CADPS: variants seen among roughly 807,000 people sequenced by gnomAD.
The protein encoded by CADPS is calcium-dependent secretion activator 1.
CADPS carries 57 observed loss-of-function variants against 167.3 expected under a neutral mutation model. The ratio of observed to expected loss-of-function variants is 0.34; its 90% CI spans 0.28 to 0.42. CADPS has a LOEUF of 0.42. Ranked by LOEUF, CADPS falls within the 20% of genes least tolerant of loss-of-function variation. The pLI is 1.00. For missense variants in CADPS, 1,414 were observed against 1,738.1 expected (o/e 0.81, Z 3.32); for synonymous variants, 676 against 635.3 (o/e 1.06, Z -0.96).
intron 1 of CADPS, among the ~76,000 whole-genome samples, chr3:62,863,643 G>A (rs1383820300): frequency 6.6e-6 from 1 of 152,130 alleles, no homozygotes; most frequent in East Asian, 1.9e-4. Flanking sequence ...AGCATGGATG[G>A]GGAGCAAAGA....
intron 1 of CADPS, among the ~76,000 whole-genome samples, chr3:62,828,438 T>C (rs1445432591): frequency 6.6e-6 from 1 of 152,138 alleles, no homozygotes; most frequent in Non-Finnish European, 1.5e-5. Flanking sequence ...GACAAGGAAC[T>C]GGGCAAATGG....
intron 1 of CADPS, among the ~76,000 whole-genome samples, chr3:62,815,838 T>TC (rs1263889700): frequency 2.6e-5 from 4 of 152,144 alleles, no homozygotes; most frequent in Non-Finnish European, 5.9e-5. Flanking sequence ...GTCTTTCTCT[T>TC]CTTCAAGCAA....
chr3:62,785,395 T>C, intron 1 of CADPS, among the ~76,000 whole-genome samples: 1 of 152,198 alleles, frequency 6.6e-6, no homozygotes, highest in Non-Finnish European at 1.5e-5. Context: ...ACTGCAAACA[T>C]TTTGAAAAGC....
At chr3:62,779,334 T>G (rs1284911537) in intron 1 of CADPS, 1 of 405,970 alleles carries the variant, frequency 2.5e-6, no homozygotes, top group African/African-American at 2.1e-5. Context: ...TCTTTTTTTC[T>G]GGAACTTTAG....
At chr3:62,459,446 T>A (rs1157427885) in intron 26 of CADPS, among the ~76,000 whole-genome samples, 1 of 152,252 alleles carries the variant, frequency 6.6e-6, no homozygotes, top group East Asian at 1.9e-4. Flanking sequence ...TTTTTCTCCT[T>A]CTGGCCTGGC....
chr3:62,597,427 T>A (rs895204529), intron 6 of CADPS, among the ~76,000 whole-genome samples: 1 of 152,192 alleles, frequency 6.6e-6, no homozygotes, highest in South Asian at 2.1e-4. Context: ...GAGAAAGATT[T>A]CTGCTGGAAA....
intron 14 of CADPS, among the ~76,000 whole-genome samples, chr3:62,517,517 A>G (rs1281238125): frequency 6.6e-6 from 1 of 152,198 alleles, no homozygotes; most frequent in Non-Finnish European, 1.5e-5. Context: ...GAAGTATTTA[A>G]TAAATAGGAA....
chr3:62,776,370 A>C (rs1417217554), intron 1 of CADPS, among the ~76,000 whole-genome samples: 2 of 152,202 alleles, frequency 1.3e-5, no homozygotes, highest in Non-Finnish European at 2.9e-5. Flanking sequence ...AACATGCAGA[A>C]TTGGCCGGGC....
chr3:62,862,816 C>G (rs2081047236), intron 1 of CADPS, among the ~76,000 whole-genome samples: 1 of 152,196 alleles, frequency 6.6e-6, no homozygotes, highest in African/African-American at 2.4e-5. Flanking sequence ...TCAAGTCTGA[C>G]AGTGCAATGG....
At chr3:62,598,739 C>T (rs2059269194) in intron 6 of CADPS, among the ~76,000 whole-genome samples, 1 of 152,130 alleles carries the variant, frequency 6.6e-6, no homozygotes, top group Non-Finnish European at 1.5e-5. Flanking sequence ...AGTTAGTGAC[C>T]TCAGAATTCA....
chr3:62,488,347 AG>A (rs1279010059), intron 21 of CADPS, among the ~76,000 whole-genome samples: 1 of 152,210 alleles, frequency 6.6e-6, no homozygotes, highest in Non-Finnish European at 1.5e-5. Context: ...CATGTCTCCA[AG>A]CTCTTTTTTA....
chr3:62,592,353 T>A (rs1368024121), intron 7 of CADPS, among the ~76,000 whole-genome samples: 2 of 152,202 alleles, frequency 1.3e-5, no homozygotes, highest in Non-Finnish European at 2.9e-5. Context: ...TTACAAATCT[T>A]AACTCTAAAG....
At chr3:62,426,324 T>A (rs2052664078) in intron 28 of CADPS, among the ~76,000 whole-genome samples, 1 of 152,154 alleles carries the variant, frequency 6.6e-6, no homozygotes, top group South Asian at 2.1e-4. Context: ...CTAATTTTTG[T>A]ATTTTTAGTA....
chr3:62,777,322 A>T (rs1232046603), intron 1 of CADPS, among the ~76,000 whole-genome samples: 1 of 152,222 alleles, frequency 6.6e-6, no homozygotes, highest in Non-Finnish European at 1.5e-5. Context: ...TAAGAACATT[A>T]TCCTGTCAGC....
Position 62,592,620 on chromosome 3 carries a change from T to C in CADPS, c.1437+17A>G. 1 of 1,590,768 alleles carries C rather than the reference T, an allele frequency of 6.3e-7. No homozygotes were observed. The highest frequency in any genetic ancestry group is 8.6e-7 in the Non-Finnish European group (1 of 1,159,046). Reference sequence around the variant, plus strand: ...AATCCTCTCTGTGGAGTTCCCCTTGTGATAAGAAGTGCTTACCCGCCCAAG... The same window carrying C: ...AATCCTCTCTGTGGAGTTCCCCTTGCGATAAGAAGTGCTTACCCGCCCAAG... On this transcript the variant is annotated intron_variant, in intron 7 of 29. Transcript: ENST00000383710.
At chr3:62,759,569 A>C (rs1220542207) in intron 2 of CADPS, among the ~76,000 whole-genome samples, 2 of 152,262 alleles carry the variant, frequency 1.3e-5, no homozygotes, top group South Asian at 4.2e-4. Flanking sequence ...TGACCTTTGG[A>C]AAGGTAGGAA....
chr3:62,753,867 T>C lies in CADPS; in HGVS notation c.556-94A>G, dbSNP rs1389917125. ...GGACACTGGGCCAGTCCACCTCACGTGCATCCCAGGAGGAACCACTGTGGG... is the reference window on the plus strand; with the variant it reads ...GGACACTGGGCCAGTCCACCTCACGCGCATCCCAGGAGGAACCACTGTGGG... On this transcript the variant is annotated intron_variant, in intron 2 of 29. Coordinates refer to ENST00000383710, the MANE Select transcript of CADPS (RefSeq NM_003716.4). The surrounding 1 kb of genome is among the most constrained non-coding windows in gnomAD (Gnocchi z 4.6). 8.1e-6 allele frequency: 10 copies of C among 1,236,270 alleles called. No individual in the cohort carries two copies. The highest frequency in any genetic ancestry group is 2.4e-5 in the Admixed American group (1 of 41,398). 76.6% of individuals were successfully genotyped at this position (1,236,270 alleles called of 1,614,324 possible).
In CADPS at chr3:62,704,076, A is replaced by G. The variant is rs149493000; in HGVS notation, c.889-41682T>C. Reference sequence around the variant, plus strand: ...AGGCAAGATTTTAGGTACTGGGGACATAGCAATGAATGCGTCAAACAAGGT... The same window carrying G: ...AGGCAAGATTTTAGGTACTGGGGACGTAGCAATGAATGCGTCAAACAAGGT... On this transcript the variant is annotated intron_variant, in intron 3 of 29. Coordinates refer to ENST00000383710, the MANE Select transcript of CADPS (RefSeq NM_003716.4). 1.1e-3 allele frequency among the ~76,000 whole-genome samples: 165 copies of G among 152,272 alleles called. 1 individual carries two copies. The highest frequency in any genetic ancestry group is 2.1e-3 in the Non-Finnish European group (143 of 68,022).
rs770261939 is a variant in CADPS, at chr3:62,491,454, T to G, written c.2911A>C (p.Lys971Gln). The change falls in exon 21 of 30, where the codon AAA becomes CAA. Residue 971 changes from lysine to glutamine, a missense_variant. Coordinates refer to ENST00000383710, the MANE Select transcript of CADPS (RefSeq NM_003716.4). ...GGGGCAAACAGGTCTTGCAGGTGTT[T>G]GTGAAATTTTCCATTGCACAAATTA... is the stretch of plus-strand genomic sequence containing the variant. ...DYNLCNGKFHKHLQDLFAPLV... is the reference protein window; with the variant it reads ...DYNLCNGKFHQHLQDLFAPLV... 3.1e-6 allele frequency: 5 copies of G among 1,614,052 alleles called. No homozygotes were observed. The South Asian group carries it at 4.4e-5, about 14-fold the overall frequency.
Sources: gnomAD v4.1 joint callset for allele counts (sites outside exome capture counted in the v4.1 genomes callset) on GRCh38, gnomAD v4.1.1 for gene constraint, Gnocchi (gnomAD v3.1) non-coding constraint, MANE v1.5 for transcripts, NCBI Gene and HGNC (gene_info 2026-07-23, HGNC 2026-07-21) for gene names.